Variants in PTPRF observed in about 807,000 individuals in gnomAD.
PTPRF encodes the protein protein tyrosine phosphatase receptor type F.
Under a neutral mutation model 201.8 loss-of-function variants are expected in PTPRF, and 59 were observed. The observed-to-expected ratio is 0.29, with a 90% CI of 0.24 to 0.36. The LOEUF is 0.36. Among genes scored for constraint, PTPRF ranks in the 10% least tolerant of loss-of-function variants. PTPRF has a pLI of 1.00. For synonymous variants in PTPRF, 1,088 were observed against 1,089.7 expected, an observed-to-expected ratio of 1.00 and a Z score of 0.03; for missense variants, 2,132 against 2,690.5, an observed-to-expected ratio of 0.79 and a Z score of 4.59.
In PTPRF at chr1:43,595,278, T is replaced by G. The variant is rs368263539; in HGVS notation, c.1814-2470T>G. ...CAGGCTGGAGTGCAGTGGCATGATC[T>G]TGGCTCACTGCAACCTCCGTCCACC... On this transcript the variant is annotated intron_variant, in intron 11 of 33. Transcript: ENST00000359947. Among the ~76,000 whole-genome samples, 69 of 152,324 alleles carry G rather than the reference T, an allele frequency of 4.5e-4. No individual in the cohort carries two copies. In the East Asian group the frequency reaches 9.6e-3, roughly 21 times the overall value.
At chr1:43,620,029 G>T in intron 29 of PTPRF, 66 bp from the exon 30 acceptor site, 3 of 1,604,002 alleles carry the variant, frequency 1.9e-6, no homozygotes, top group African/African-American at 1.3e-5. Flanking sequence ...AAGGGGCTAG[G>T]CAGCCTAAGG....
At chr1:43,574,723 A>G (rs1646809775) in intron 6 of PTPRF, among the ~76,000 whole-genome samples, 1 of 152,178 alleles carries the variant, frequency 6.6e-6, no homozygotes, top group Admixed American at 6.5e-5. Flanking sequence ...CATTGTGCGG[A>G]TTCTTCCCAC....
intron 11 of PTPRF, among the ~76,000 whole-genome samples, chr1:43,595,176 G>T (rs1232736709): frequency 6.6e-6 from 1 of 152,154 alleles, no homozygotes; most frequent in South Asian, 2.1e-4. Flanking sequence ...GAGGGCCGTG[G>T]AGCTGAGGGT....
chr1:43,564,258 G>T (rs937125167), intron 5 of PTPRF, among the ~76,000 whole-genome samples: 1 of 152,130 alleles, frequency 6.6e-6, no homozygotes, highest in African/African-American at 2.4e-5. Context: ...GGCAGCCTTC[G>T]ACTTTTGGAA....
Position 43,618,688 on chromosome 1 carries a change from T to C in PTPRF, c.4430T>C (p.Val1477Ala). 1.2e-6 allele frequency: 2 copies of C among 1,612,758 alleles called. No homozygotes were observed. The highest frequency in any genetic ancestry group is 1.7e-6 in the Non-Finnish European group (2 of 1,178,950). Residue 1477 changes from valine to alanine, a missense_variant, in exon 26 of 34, where the codon GTG becomes GCG. Transcript: ENST00000359947. ...RGTETCGLIQ[V>A]TLLDTVELAT... ...ACCGAGACCTGTGGCCTTATTCAGG[T>C]GACCCTGTTGGACACAGTGGAGCTG...
chr1:43,556,589 C>T (rs1163697594), intron 5 of PTPRF, among the ~76,000 whole-genome samples: 1 of 152,278 alleles, frequency 6.6e-6, no homozygotes, highest in East Asian at 1.9e-4. Flanking sequence ...TGTATGAGTC[C>T]GTGGGCTCTA....
At chr1:43,556,311 G>A (rs1234624914) in intron 5 of PTPRF, among the ~76,000 whole-genome samples, 2 of 152,126 alleles carry the variant, frequency 1.3e-5, no homozygotes, top group Non-Finnish European at 2.9e-5. Flanking sequence ...TGCCAGGCTG[G>A]AGTGCAGTGG....
intron 12 of PTPRF, 127 bp from the exon 13 acceptor site, chr1:43,598,593 A>G: frequency 1.1e-6 from 1 of 887,770 alleles, no homozygotes; most frequent in Non-Finnish European, 1.7e-6. Flanking sequence ...AGATGATCTA[A>G]GGAAACTGTA....
intron 23 of PTPRF, among the ~76,000 whole-genome samples, chr1:43,615,325 A>C (rs1054975889): frequency 3.3e-5 from 5 of 151,864 alleles, no homozygotes; most frequent in Non-Finnish European, 7.4e-5. Context: ...CTCCACCCAC[A>C]CTCATCTGTA....
At chr1:43,613,807 G>T in intron 23 of PTPRF, 92 bp downstream of exon 23, 3 of 1,143,696 alleles carry the variant, frequency 2.6e-6, no homozygotes, top group African/African-American at 3.0e-5. Flanking sequence ...GGTGGGTGAG[G>T]AAGCAGGGGT....
At chr1:43,597,719 C>T (rs1477393693) in intron 11 of PTPRF, 29 bp from the exon 12 acceptor site, 1 of 1,392,514 alleles carries the variant, frequency 7.2e-7, no homozygotes, top group Non-Finnish European at 9.9e-7. Context: ...CCTCCATCTG[C>T]TTGCTTCCCC....
At chr1:43,613,405 A>G in intron 22 of PTPRF, 2 of 533,772 alleles carry the variant, frequency 3.7e-6, no homozygotes, top group Non-Finnish European at 6.9e-6. Context: ...CCACCAAAAC[A>G]GGCTCCACAT....
intron 6 of PTPRF, 72 bp from the exon 7 acceptor site, chr1:43,578,738 G>A (rs1255957648): frequency 6.1e-6 from 7 of 1,144,694 alleles, no homozygotes; most frequent in Admixed American, 1.8e-5. Flanking sequence ...AGATGCTGTC[G>A]AGACCTCTCA....
At chr1:43,605,031 G>T in intron 17 of PTPRF, 31 bp downstream of exon 17, 1 of 1,603,448 alleles carries the variant, frequency 6.2e-7, no homozygotes. Flanking sequence ...GCTGAGCCTG[G>T]CACACACACA....
chr1:43,619,204 TGA>T lies in PTPRF; in HGVS notation c.4646+6_4646+7del, dbSNP rs775336961. 5 of 1,579,222 alleles carry T rather than the reference TGA, an allele frequency of 3.2e-6. No homozygotes were observed. The highest frequency in any genetic ancestry group is 4.3e-6 in the Non-Finnish European group (5 of 1,166,862). ...AGGGCCCATGGTGGTGCACTGCAGGTGAGAGGGTACAGTGCCACCCAGAGGGG... is the reference window on the plus strand; with the variant it reads ...AGGGCCCATGGTGGTGCACTGCAGGTGAGGGTACAGTGCCACCCAGAGGGG... On this transcript the variant is annotated splice_donor_region_variant and intron_variant, in intron 27 of 33. Transcript: ENST00000359947.
rs771277235 is a variant in PTPRF, at chr1:43,613,650, G to A, written c.4006G>A (p.Asp1336Asn). The change falls in exon 23 of 34, where the codon GAC becomes AAC. Residue 1336 changes from aspartate (D) to asparagine (N), a missense_variant. Asp to Asn is a conservative substitution (Grantham distance 23, BLOSUM62 1). Transcript: ENST00000359947. Reference protein sequence around the residue: ...MRDHPPIPITDLADNIERLKA... With the variant: ...MRDHPPIPITNLADNIERLKA... Reference sequence around the variant, plus strand: ...AGACCACCCACCCATCCCCATCACCGACCTGGCGGACAACATCGAGCGCCT... The same window carrying A: ...AGACCACCCACCCATCCCCATCACCAACCTGGCGGACAACATCGAGCGCCT... 11 of 1,614,040 alleles carry A rather than the reference G, an allele frequency of 6.8e-6. No individual in the cohort carries two copies. Among genetic ancestry groups the A allele is most frequent in the African/African-American group, 1.3e-5 (1 of 75,018 alleles).
rs1476586476 is a variant in PTPRF, at chr1:43,569,609, G to C, written c.399G>C (p.Gly133=). 1 of 1,609,478 alleles carries C rather than the reference G, an allele frequency of 6.2e-7. No homozygotes were observed. Among genetic ancestry groups the C allele is most frequent in the Middle Eastern group, 1.7e-4 (1 of 6,002 alleles). ...SVLEEEQLPP[G]FPSIDMGPQL... ...CTGCAGAGGAACAGCTGCCCCCTGG[G>C]TTCCCTTCCATCGACATGGGGCCTC... The change falls in exon 6 of 34, where the codon GGG becomes GGC. Residue 133 remains glycine (G), a synonymous_variant. Coordinates refer to ENST00000359947, the MANE Select transcript of PTPRF (RefSeq NM_002840.5).
intron 1 of PTPRF, among the ~76,000 whole-genome samples, chr1:43,532,210 C>T (rs1643630667): frequency 6.6e-6 from 1 of 152,200 alleles, no homozygotes; most frequent in South Asian, 2.1e-4. Context: ...GAATGCTGCC[C>T]CTCTGGTTCT....
chr1:43,595,963 AG>A (rs1652155526), intron 11 of PTPRF, among the ~76,000 whole-genome samples: 1 of 152,208 alleles, frequency 6.6e-6, no homozygotes, highest in Admixed American at 6.5e-5. Flanking sequence ...TGAGGCCTCT[AG>A]GGACGTGTGC....
Sources: allele counts gnomAD v4.1 joint callset (sites outside exome capture counted in the v4.1 genomes callset), GRCh38; gene constraint gnomAD v4.1.1; transcripts MANE v1.5; gene names NCBI Gene and HGNC (gene_info 2026-07-23, HGNC 2026-07-21).